SIPA1L1: variants seen among roughly 807,000 people sequenced by gnomAD.
SIPA1L1 encodes the protein signal induced proliferation associated 1 like 1.
In SIPA1L1, 26 loss-of-function variants were observed where a neutral mutation model predicts 162.7. The observed-to-expected ratio is 0.16, with a 90% CI of 0.12 to 0.22. The LOEUF is 0.22. Among genes scored for constraint, SIPA1L1 ranks in the 10% least tolerant of loss-of-function variants. SIPA1L1 has a pLI of 1.00. For missense variants in SIPA1L1, 1,874 were observed against 2,241.0 expected (o/e 0.84, Z 3.31); for synonymous variants, 829 against 837.4 (o/e 0.99, Z 0.17).
At chr14:71,596,225 A>G (rs988053609) in intron 5 of SIPA1L1, among the ~76,000 whole-genome samples, 4 of 152,174 alleles carry the variant, frequency 2.6e-5, no homozygotes, top group Non-Finnish European at 5.9e-5. Context: ...AGTCAATGCA[A>G]AGGGTCAAAA....
chr14:71,553,882 C>T (rs1014174691), intron 4 of SIPA1L1, among the ~76,000 whole-genome samples: 1 of 152,062 alleles, frequency 6.6e-6, no homozygotes, highest in Non-Finnish European at 1.5e-5. Flanking sequence ...GAGACCTTAG[C>T]ATAGTGTTTT....
At chr14:71,632,580 A>G (rs1478575643) in intron 7 of SIPA1L1, among the ~76,000 whole-genome samples, 2 of 152,212 alleles carry the variant, frequency 1.3e-5, no homozygotes, top group East Asian at 3.8e-4. Flanking sequence ...GTGCCCCTCC[A>G]GCTCCCCACT....
rs1041455732 is a variant in SIPA1L1, at chr14:71,704,757, T to C, written c.3647-465T>C. ...AGAGGACCTCAGGATTTCAATTCTT[T>C]TGTCCTCGAGCAGCATGAATATACA... On this transcript the variant is annotated intron_variant, in intron 15 of 23. Transcript: ENST00000381232. 3.7e-6 allele frequency: 6 copies of C among 1,612,930 alleles called. No homozygotes were observed. Among genetic ancestry groups the C allele is most frequent in the Non-Finnish European group, 5.1e-6 (6 of 1,179,026 alleles).
intron 2 of SIPA1L1, among the ~76,000 whole-genome samples, chr14:71,504,798 A>T (rs891923983): frequency 3.3e-5 from 5 of 152,214 alleles, no homozygotes; most frequent in African/African-American, 1.2e-4. Flanking sequence ...TTTGGGGTTT[A>T]ACTTGGGACT....
intron 5 of SIPA1L1, among the ~76,000 whole-genome samples, chr14:71,612,802 T>C (rs992262142): frequency 1.3e-5 from 2 of 152,214 alleles, no homozygotes. Context: ...CTTTGAGCTT[T>C]GAACTATTCG....
intron 2 of SIPA1L1, chr14:71,467,254 A>T (rs1246052797): frequency 6.6e-6 from 1 of 152,222 alleles, no homozygotes; most frequent in African/African-American, 2.4e-5. Flanking sequence ...ACAGGTAAAG[A>T]ACTCTCTTGT....
At chr14:71,616,625 A>C (rs769391998) in intron 5 of SIPA1L1, among the ~76,000 whole-genome samples, 13 of 151,968 alleles carry the variant, frequency 8.6e-5, no homozygotes, top group Non-Finnish European at 1.5e-4. Flanking sequence ...AAGAAGCTAG[A>C]GTGTGGATGC....
chr14:71,327,918 T>TG (rs1438508694), intron 2 of SIPA1L1, among the ~76,000 whole-genome samples: 18 of 152,102 alleles, frequency 1.2e-4, no homozygotes, highest in Non-Finnish European at 7.4e-5. Flanking sequence ...GTTTGTGTAG[T>TG]GGGGGGCAGA....
At chr14:71,428,302 C>T (rs1228470074) in intron 2 of SIPA1L1, among the ~76,000 whole-genome samples, 1 of 151,872 alleles carries the variant, frequency 6.6e-6, no homozygotes, top group African/African-American at 2.4e-5. Context: ...TGGCTGAAAA[C>T]TGGACATTTT....
intron 18 of SIPA1L1, among the ~76,000 whole-genome samples, chr14:71,724,277 C>T (rs1372420717): frequency 6.6e-6 from 1 of 152,026 alleles, no homozygotes; most frequent in Non-Finnish European, 1.5e-5. Flanking sequence ...GAGTGAGTAC[C>T]CCTGAAAATA....
intron 2 of SIPA1L1, among the ~76,000 whole-genome samples, chr14:71,374,373 T>A (rs1394352274): frequency 6.6e-6 from 1 of 152,102 alleles, no homozygotes; most frequent in Non-Finnish European, 1.5e-5. Flanking sequence ...GTCGGTAAAC[T>A]TATTTGGAGA....
At chr14:71,465,949 A>T (rs1382744202) in intron 2 of SIPA1L1, among the ~76,000 whole-genome samples, 1 of 152,144 alleles carries the variant, frequency 6.6e-6, no homozygotes, top group Non-Finnish European at 1.5e-5. Context: ...GCCTGCTTAT[A>T]TTCACTGACA....
At chr14:71,581,370 G>A (rs1261357721) in intron 4 of SIPA1L1, among the ~76,000 whole-genome samples, 1 of 152,268 alleles carries the variant, frequency 6.6e-6, no homozygotes. Flanking sequence ...ATATCACGAT[G>A]TCCTAAGCAA....
In SIPA1L1 at chr14:71,588,438, A is replaced by G. The variant is rs747898414; in HGVS notation, c.566A>G (p.Asp189Gly). The G allele has an allele frequency of 4.3e-6, 7 of 1,614,068 alleles. No homozygotes were observed. The African/African-American group carries it at 9.3e-5, about 22-fold the overall frequency. ...TISELDVDSF[D>G]ECISPTYKTG... The stretch of plus-strand genomic sequence containing the variant: ...AGTGAACTTGATGTGGATAGCTTTG[A>G]TGAATGTATCTCACCTACATACAAG... Residue 189 changes from aspartate to glycine, a missense_variant, in exon 5 of 24, where the codon GAT (aspartate) becomes GGT (glycine). By Grantham distance (94) the Asp-to-Gly change is moderately conservative. Coordinates refer to ENST00000381232, the MANE Select transcript of SIPA1L1 (RefSeq NM_001386936.1). The surrounding 1 kb of genome is among the most constrained non-coding windows in gnomAD (Gnocchi z 4.3).
intron 4 of SIPA1L1, among the ~76,000 whole-genome samples, chr14:71,571,564 T>G (rs1596194897): frequency 6.6e-6 from 1 of 152,208 alleles, no homozygotes; most frequent in East Asian, 1.9e-4. Context: ...TAGAAGTTAA[T>G]GAAATAATAC....
At chr14:71,647,401 A>G (rs1473610158) in intron 7 of SIPA1L1, among the ~76,000 whole-genome samples, 1 of 151,248 alleles carries the variant, frequency 6.6e-6, no homozygotes, top group South Asian at 2.1e-4. Flanking sequence ...TTTTTTTTTT[A>G]ATAAATGAAT....
intron 2 of SIPA1L1, among the ~76,000 whole-genome samples, chr14:71,322,393 A>G (rs1304224847): frequency 3.3e-5 from 5 of 152,218 alleles, no homozygotes; most frequent in South Asian, 2.1e-4. Flanking sequence ...AGTTTTCTAT[A>G]TAATCCTGAT....
intron 3 of SIPA1L1, among the ~76,000 whole-genome samples, chr14:71,520,871 G>GC (rs1206828509): frequency 6.6e-6 from 1 of 152,050 alleles, no homozygotes; most frequent in Admixed American, 6.6e-5. Context: ...TCCCACCTCA[G>GC]CCCCCCGAGT....
chr14:71,449,578 T>C (rs946142399), intron 2 of SIPA1L1, among the ~76,000 whole-genome samples: 1 of 152,208 alleles, frequency 6.6e-6, no homozygotes, highest in African/African-American at 2.4e-5. Flanking sequence ...CTGGAAGTTA[T>C]GTGATTTTAA....
Sources: gnomAD v4.1 joint callset for allele counts (sites outside exome capture counted in the v4.1 genomes callset) on GRCh38, gnomAD v4.1.1 for gene constraint, Gnocchi (gnomAD v3.1) non-coding constraint, MANE v1.5 for transcripts, NCBI Gene and HGNC (gene_info 2026-07-23, HGNC 2026-07-21) for gene names.